Variants in CD96 observed in about 807,000 individuals in gnomAD.
CD96 encodes the protein CD96 molecule, also known as T-cell surface protein tactile.
In CD96, 70 loss-of-function variants were observed where a neutral mutation model predicts 71.3. That is an observed-to-expected ratio of 0.98 (90% confidence interval 0.81 to 1.20). The LOEUF (loss-of-function observed/expected upper bound fraction) is 1.20, where lower values mean the gene tolerates loss of function less well. CD96 is among the 50% of genes most tolerant of loss of function. The pLI is 0.00. For missense variants in CD96, 742 were observed against 677.5 expected (o/e 1.10, Z -1.06); for synonymous variants, 248 against 233.0 (o/e 1.06, Z -0.59).
At chr3:111,645,411 TG>T (rs1939783699) in intron 12 of CD96, among the ~76,000 whole-genome samples, 1 of 152,156 alleles carries the variant, frequency 6.6e-6, no homozygotes, top group South Asian at 2.1e-4. Flanking sequence ...ACTACAAATA[TG>T]ATGCACTGTA....
In CD96 at chr3:111,649,711, C is replaced by T. The variant is rs768488056; in HGVS notation, c.1615C>T (p.Pro539Ser). ...TTTTGTTCCTAGAATGGAAAGACCT[C>T]CACCTTTCAAGCCACCACCACCTCC... ...QYQKEIMERP[P>S]PFKPPPPPIK... Residue 539 changes from proline (P) to serine (S), a missense_variant, in exon 14 of 14, where the codon CCA becomes TCA. By Grantham distance (74) the Pro-to-Ser change is moderately conservative (BLOSUM62 -1). Transcript: ENST00000352690. 6.2e-7 allele frequency: 1 copy of T among 1,612,630 alleles called. No individual in the cohort carries two copies. The highest frequency in any genetic ancestry group is 1.7e-5 in the Admixed American group (1 of 60,022).
chr3:111,555,923 C>T (rs1322645184), intron 2 of CD96, among the ~76,000 whole-genome samples: 1 of 152,288 alleles, frequency 6.6e-6, no homozygotes, highest in Non-Finnish European at 1.5e-5. Context: ...TGATACTGTC[C>T]TATATGGCTC....
chr3:111,639,285 T>G (rs891999696), intron 12 of CD96, among the ~76,000 whole-genome samples: 111 of 152,038 alleles, frequency 7.3e-4, no homozygotes, highest in African/African-American at 2.6e-3. Flanking sequence ...GTTGGCGGGG[T>G]GGGGGGCATG....
intron 10 of CD96, among the ~76,000 whole-genome samples, chr3:111,635,769 G>T (rs9850705): frequency 1.2e-4 from 18 of 152,038 alleles, no homozygotes; most frequent in African/African-American, 4.3e-4. Context: ...AGACTTTAGC[G>T]TAAATTAATT....
At chr3:111,625,949 A>G (rs1938728501) in intron 10 of CD96, among the ~76,000 whole-genome samples, 1 of 152,222 alleles carries the variant, frequency 6.6e-6, no homozygotes, top group Admixed American at 6.5e-5. Flanking sequence ...CAAATATGAC[A>G]AAATAAACAA....
chr3:111,623,721 T>G, intron 8 of CD96, 33 bp from the exon 9 acceptor site: 1 of 1,329,438 alleles, frequency 7.5e-7, no homozygotes, highest in Non-Finnish European at 1.1e-6. Flanking sequence ...TGTAAATACA[T>G]ATAATAATTT....
At chr3:111,623,930 T>C (rs2107711960) in intron 9 of CD96, 108 bp downstream of exon 9, 1 of 785,032 alleles carries the variant, frequency 1.3e-6, no homozygotes, top group South Asian at 1.4e-5. Flanking sequence ...GTATTTTTCA[T>C]TTGATGTTTG....
chr3:111,603,691 T>C (rs1937550628), intron 7 of CD96, among the ~76,000 whole-genome samples: 1 of 152,210 alleles, frequency 6.6e-6, no homozygotes, highest in African/African-American at 2.4e-5. Flanking sequence ...ACTGTAGCTG[T>C]TGAGATCAAG....
chr3:111,597,353 A>G (rs1158112401), intron 5 of CD96, among the ~76,000 whole-genome samples: 1 of 152,250 alleles, frequency 6.6e-6, no homozygotes, highest in Non-Finnish European at 1.5e-5. Flanking sequence ...TGAAAATAAA[A>G]CATAACTAGC....
rs540146632 is a variant in CD96, at chr3:111,583,715, G to A, written c.752-1608G>A. Among the ~76,000 whole-genome samples the A allele has an allele frequency of 5.3e-5, 8 of 152,312 alleles. No homozygotes were observed. In the South Asian group the frequency reaches 1.0e-3, roughly 20 times the overall value. On this transcript the variant is annotated intron_variant, in intron 4 of 13. Coordinates refer to ENST00000352690, the MANE Select transcript of CD96 (RefSeq NM_005816.5). ...TTAGAAGCAATGGCCCAAGCTGCAC[G>A]TTGGCCCCTTTCAGCCATAGCTGGA...
intron 8 of CD96, among the ~76,000 whole-genome samples, chr3:111,609,263 A>T (rs1937784899): frequency 6.6e-6 from 1 of 152,220 alleles, no homozygotes; most frequent in Non-Finnish European, 1.5e-5. Flanking sequence ...GAAAATGCAA[A>T]GTAAACAAAG....
chr3:111,598,511 C>T (rs1048941121), intron 6 of CD96, among the ~76,000 whole-genome samples: 2 of 152,194 alleles, frequency 1.3e-5, no homozygotes, highest in Non-Finnish European at 1.5e-5. Context: ...TTTAAGTCTA[C>T]ATATATTTAT....
At chr3:111,606,384 C>G (rs972720934) in intron 7 of CD96, among the ~76,000 whole-genome samples, 3 of 152,122 alleles carry the variant, frequency 2.0e-5, no homozygotes, top group Admixed American at 6.5e-5. Context: ...GTAACTTTTT[C>G]CAGGGAGCCT....
At chr3:111,648,041 G>A (rs1426801464) in intron 13 of CD96, among the ~76,000 whole-genome samples, 2 of 152,152 alleles carry the variant, frequency 1.3e-5, no homozygotes, top group Non-Finnish European at 2.9e-5. Flanking sequence ...GGTCATAGAT[G>A]CTCAAGTGTG....
At chr3:111,627,602 T>C (rs181602265) in intron 10 of CD96, among the ~76,000 whole-genome samples, 7 of 152,164 alleles carry the variant, frequency 4.6e-5, no homozygotes, top group South Asian at 2.1e-4. Context: ...CCCAAATCAA[T>C]TGGGTGCTGA....
intron 3 of CD96, among the ~76,000 whole-genome samples, chr3:111,573,557 A>G (rs1441215611): frequency 3.3e-5 from 5 of 152,214 alleles, no homozygotes; most frequent in Non-Finnish European, 5.9e-5. Context: ...TTGGTAGTGC[A>G]GACGGGAAAA....
intron 6 of CD96, 54 bp downstream of exon 6, chr3:111,598,264 G>C (rs1193764406): frequency 2.4e-5 from 20 of 822,282 alleles, no homozygotes; most frequent in Non-Finnish European, 3.9e-5. Flanking sequence ...AGAAAACAAA[G>C]AACATTAGAA....
intron 2 of CD96, among the ~76,000 whole-genome samples, chr3:111,561,042 C>A (rs1935366801): frequency 7.5e-6 from 1 of 134,226 alleles, no homozygotes. Context: ...GTTCTCGAGC[C>A]TTGGTTTTCA....
chr3:111,645,723 A>G (rs1939798627), intron 12 of CD96, among the ~76,000 whole-genome samples: 1 of 152,094 alleles, frequency 6.6e-6, no homozygotes, highest in Non-Finnish European at 1.5e-5. Context: ...CTTTCTAGTC[A>G]TCTGTATATA....
Sources: gnomAD v4.1 joint callset for allele counts (sites outside exome capture counted in the v4.1 genomes callset) on GRCh38, gnomAD v4.1.1 for gene constraint, MANE v1.5 for transcripts, NCBI Gene and HGNC (gene_info 2026-07-23, HGNC 2026-07-21) for gene names.